The following GSG1L variants were observed in gnomAD, a reference collection of about 807,000 sequenced individuals.
GSG1L encodes GSG1 like.
A neutral mutation model predicts 42.1 loss-of-function variants in GSG1L; 24 were observed. That is an observed-to-expected ratio of 0.57 (90% CI 0.41 to 0.80). The LOEUF is 0.80. GSG1L is among the 30% of genes least tolerant of loss of function. The pLI is 0.00. For missense variants in GSG1L, 445 were observed against 472.2 expected, an observed-to-expected ratio of 0.94 and a Z score of 0.53; for synonymous variants, 215 against 203.5, an observed-to-expected ratio of 1.06 and a Z score of -0.48.
At chr16:27,999,360 T>C (rs2085555974) in intron 1 of GSG1L, among the ~76,000 whole-genome samples, 2 of 152,160 alleles carry the variant, frequency 1.3e-5, no homozygotes, top group Non-Finnish European at 2.9e-5. Context: ...CCAGAATCAC[T>C]TGAACCTGGG....
chr16:28,043,399 A>C (rs2086129934), intron 1 of GSG1L, among the ~76,000 whole-genome samples: 1 of 152,222 alleles, frequency 6.6e-6, no homozygotes. Flanking sequence ...AGAGGTACCA[A>C]CAGCTGGAGG....
chr16:27,994,300 G>T (rs544447770), intron 1 of GSG1L, among the ~76,000 whole-genome samples: 211 of 152,128 alleles, frequency 1.4e-3, no homozygotes, highest in African/African-American at 4.7e-3. Context: ...GGTCCCTTGG[G>T]GGGGTTCAGA....
chr16:27,900,291 A>G (rs974916013), intron 2 of GSG1L, among the ~76,000 whole-genome samples: 3 of 152,164 alleles, frequency 2.0e-5, no homozygotes, highest in Non-Finnish European at 4.4e-5. Flanking sequence ...ATAGAAACTC[A>G]ATTCATCTCC....
At chr16:27,901,826 C>A (rs781507176) in intron 2 of GSG1L, among the ~76,000 whole-genome samples, 9 of 152,234 alleles carry the variant, frequency 5.9e-5, no homozygotes, top group Non-Finnish European at 1.3e-4. Context: ...CAGACCACTG[C>A]CTACCCTTTG....
intron 1 of GSG1L, among the ~76,000 whole-genome samples, chr16:27,997,219 G>T (rs1330607858): frequency 6.6e-6 from 1 of 150,664 alleles, no homozygotes; most frequent in African/African-American, 2.4e-5. Flanking sequence ...CTTGACTCGT[G>T]GTTCCCAATA....
At chr16:27,792,665 G>A (rs190224986) in intron 6 of GSG1L, among the ~76,000 whole-genome samples, 25 of 152,150 alleles carry the variant, frequency 1.6e-4, no homozygotes, top group Admixed American at 1.0e-3. Context: ...CACCCTCAGC[G>A]CACACTCTGC....
intron 3 of GSG1L, among the ~76,000 whole-genome samples, chr16:27,864,603 A>T (rs1279009327): frequency 6.6e-6 from 1 of 152,254 alleles, no homozygotes; most frequent in East Asian, 1.9e-4. Flanking sequence ...GAGAGATGAC[A>T]TTACAGAATG....
At chr16:27,925,593 G>C (rs554175455) in intron 2 of GSG1L, among the ~76,000 whole-genome samples, 33 of 152,320 alleles carry the variant, frequency 2.2e-4, no homozygotes, top group African/African-American at 7.9e-4. Flanking sequence ...CATAGCAGGA[G>C]AGAGGTGGGT....
At chr16:27,961,042 C>A (rs2085064958) in intron 2 of GSG1L, among the ~76,000 whole-genome samples, 1 of 152,220 alleles carries the variant, frequency 6.6e-6, no homozygotes, top group Admixed American at 6.5e-5. Context: ...CACACACACA[C>A]ACGTACTCAA....
intron 1 of GSG1L, among the ~76,000 whole-genome samples, chr16:27,982,572 G>A (rs1350860359): frequency 6.6e-6 from 1 of 152,178 alleles, no homozygotes; most frequent in African/African-American, 2.4e-5. Context: ...CCCTGGGTTA[G>A]TCTATTTTGC....
intron 2 of GSG1L, among the ~76,000 whole-genome samples, chr16:27,931,811 G>A (rs565309524): frequency 6.6e-6 from 1 of 152,300 alleles, no homozygotes; most frequent in African/African-American, 2.4e-5. Context: ...ATCACTAAGA[G>A]AACAGACAGG....
chr16:27,845,005 T>C lies in GSG1L; in HGVS notation c.607A>G (p.Ser203Gly), dbSNP rs760734390. Reference protein sequence around the residue: ...MYTQVFQVTVSLGPEDWRPHS... With the variant: ...MYTQVFQVTVGLGPEDWRPHS... ...GGTCTCCAGTCCTCAGGACCGAGGC[T>C]CACGGTGACCTGGAACACCTGCGTG... The change falls in exon 4 of 7, where the codon AGC becomes GGC. Residue 203 changes from serine to glycine, a missense_variant. This residue lies in a region of GSG1L where 149 missense variants were observed against 223.3 expected (regional missense o/e 0.67). Transcript: ENST00000447459. 66 of 1,613,790 alleles carry C rather than the reference T, an allele frequency of 4.1e-5. No individual in the cohort carries two copies. Among genetic ancestry groups the C allele is most frequent in the Non-Finnish European group, 4.2e-6 (5 of 1,179,894 alleles).
Position 28,063,301 on chromosome 16 carries a change from G to A in GSG1L, c.124C>T (p.Pro42Ser), listed in dbSNP as rs1317657110. ...GCGCGCCCGCCCTGGCCGCAGCCCG[G>A]CTTGGGGACCCGCTGCGTGCCCTGG... is the stretch of plus-strand genomic sequence containing the variant. Reference protein sequence around the residue: ...WCQGTQRVPKPGCGQGGRANC... With the variant: ...WCQGTQRVPKSGCGQGGRANC... Residue 42 changes from proline (P) to serine (S), a missense_variant, in exon 1 of 7, where the codon CCG (proline) becomes TCG (serine). By Grantham distance (74) the Pro-to-Ser change is moderately conservative. This residue lies in a region of GSG1L where 156 missense variants were observed against 128.3 expected (regional missense o/e 1.22). Coordinates refer to ENST00000447459, the MANE Select transcript of GSG1L (RefSeq NM_001109763.2). This position sits in a 1 kb window ranked among gnomAD's most constrained non-coding sequence, Gnocchi z 5.8. 2 of 1,384,596 alleles carry A rather than the reference G, an allele frequency of 1.4e-6. No homozygotes were observed. Among genetic ancestry groups the A allele is most frequent in the Non-Finnish European group, 1.9e-6 (2 of 1,060,328 alleles). The allele number at this position is 1,384,596 out of a possible 1,614,324, so 85.8% of individuals were successfully genotyped here.
intron 2 of GSG1L, among the ~76,000 whole-genome samples, chr16:27,934,684 G>A (rs900380126): frequency 2.0e-5 from 3 of 152,194 alleles, no homozygotes; most frequent in African/African-American, 2.4e-5. Flanking sequence ...AGCGTGCAGC[G>A]GCCCTGGGTT....
In GSG1L at chr16:27,934,795, A is replaced by G. The variant is rs558192017; in HGVS notation, c.397+28361T>C. Reference sequence around the variant, plus strand: ...TCTGAAAAATGAGGACCAAAGTGGCACCTATTTCCTGGGGCTGTTGGGAGG... The same window carrying G: ...TCTGAAAAATGAGGACCAAAGTGGCGCCTATTTCCTGGGGCTGTTGGGAGG... On this transcript the variant is annotated intron_variant, in intron 2 of 6. Transcript: ENST00000447459. Among the ~76,000 whole-genome samples, 14 of 152,228 alleles carry G rather than the reference A, an allele frequency of 9.2e-5. No individual in the cohort carries two copies. In the South Asian group the frequency reaches 2.9e-3, roughly 32 times the overall value.
At chr16:27,829,089 G>A (rs2083247918) in intron 4 of GSG1L, 133 bp from the exon 5 acceptor site, 2 of 798,274 alleles carry the variant, frequency 2.5e-6, no homozygotes, top group Non-Finnish European at 4.0e-6. Context: ...TACTGCCACA[G>A]AGAAGGATAA....
intron 4 of GSG1L, among the ~76,000 whole-genome samples, chr16:27,843,763 T>A (rs1808792261): frequency 6.6e-6 from 1 of 152,174 alleles, no homozygotes; most frequent in Non-Finnish European, 1.5e-5. Context: ...AGGTTTTGAC[T>A]CATTCTTTGC....
chr16:27,806,102 C>G (rs1009628266), intron 6 of GSG1L, among the ~76,000 whole-genome samples: 3 of 152,022 alleles, frequency 2.0e-5, no homozygotes, highest in Admixed American at 6.5e-5. Flanking sequence ...CTCTGTTGTC[C>G]CTGCAGGAGG....
At chr16:27,988,917 G>A (rs2085421551) in intron 1 of GSG1L, among the ~76,000 whole-genome samples, 1 of 151,838 alleles carries the variant, frequency 6.6e-6, no homozygotes, top group Non-Finnish European at 1.5e-5. Flanking sequence ...GCCAGCCATG[G>A]TGGTGCATGC....
Sources: allele counts gnomAD v4.1 joint callset (sites outside exome capture counted in the v4.1 genomes callset), GRCh38; gene constraint gnomAD v4.1.1; regional missense constraint gnomAD v4.1.1; non-coding constraint Gnocchi (gnomAD v3.1); transcripts MANE v1.5; gene names NCBI Gene and HGNC (gene_info 2026-07-23, HGNC 2026-07-21).